Variants in ARL6IP6 observed in about 807,000 individuals in gnomAD.
ARL6IP6 encodes ADP-ribosylation factor-like protein 6-interacting protein 6.
ARL6IP6 carries 22 observed loss-of-function variants against 21.5 expected under a neutral mutation model. The ratio of observed to expected loss-of-function variants is 1.02; its 90% confidence interval spans 0.73 to 1.46. The LOEUF is 1.46. Ranked by LOEUF, ARL6IP6 falls within the 40% of genes most tolerant of loss-of-function variation. The probability of loss-of-function intolerance (pLI) is 0.00; values close to 1 mark genes in which losing one functional copy is unlikely to be tolerated. For missense variants in ARL6IP6, 388 were observed against 299.8 expected, an observed-to-expected ratio of 1.29 and a Z score of -2.17; for synonymous variants, 164 against 125.3, an observed-to-expected ratio of 1.31 and a Z score of -2.06.
At chr2:152,720,018 G>T in intron 1 of ARL6IP6, 2 of 451,018 alleles carry the variant, frequency 4.4e-6, no homozygotes, top group South Asian at 3.3e-5. Flanking sequence ...AACTGAATGT[G>T]CATAAAATGC....
At chr2:152,732,849 G>T (rs940651104) in intron 2 of ARL6IP6, among the ~76,000 whole-genome samples, 2 of 151,054 alleles carry the variant, frequency 1.3e-5, no homozygotes, top group Non-Finnish European at 2.9e-5. Context: ...TTGTTATACT[G>T]TATTGGTTTT....
chr2:152,718,651 G>A lies in ARL6IP6; in HGVS notation c.27G>A (p.Arg9=), dbSNP rs762251373. The change falls in exon 1 of 4, where the codon CGG becomes CGA. Residue 9 remains arginine (R), a synonymous_variant. Transcript: ENST00000326446. MSFAESGW[R]SALRRRGPGT... The stretch of plus-strand genomic sequence containing the variant: ...TGTCGTTTGCTGAGAGCGGGTGGCG[G>A]TCGGCTCTGCGGCGCCGCGGTCCCG... The A allele has an allele frequency of 7.7e-6, 12 of 1,548,812 alleles. No homozygotes were observed. Among genetic ancestry groups the A allele is most frequent in the Non-Finnish European group, 9.6e-6 (11 of 1,146,934 alleles).
intron 1 of ARL6IP6, chr2:152,720,112 A>G (rs992918073): frequency 5.6e-5 from 1 of 18,006 alleles, no homozygotes. Context: ...TGCAATTCTG[A>G]TAGTTTTGTC....
chr2:152,718,103 A>G, upstream of ARL6IP6: 5 of 987,380 alleles, frequency 5.1e-6, no homozygotes, highest in Non-Finnish European at 6.0e-6. Flanking sequence ...GCAGTTAAGG[A>G]ACCGCGAGAG....
chr2:152,722,495 T>C (rs982618114), intron 2 of ARL6IP6, among the ~76,000 whole-genome samples: 4 of 152,214 alleles, frequency 2.6e-5, no homozygotes. Context: ...AGAATAGTTA[T>C]AGCAGATGTA....
intron 1 of ARL6IP6, 180 bp from the exon 2 acceptor site, chr2:152,720,353 G>A (rs1699724001): frequency 3.1e-6 from 2 of 638,978 alleles, no homozygotes; most frequent in South Asian, 1.8e-5. Flanking sequence ...CTCCCTTAGT[G>A]GTCAACACAT....
chr2:152,748,749 A>G (rs1345831104), intron 3 of ARL6IP6, among the ~76,000 whole-genome samples: 2 of 152,258 alleles, frequency 1.3e-5, no homozygotes, highest in Admixed American at 1.3e-4. Context: ...GTTCTGTCAT[A>G]AAAGCATCTC....
chr2:152,749,942 TGAA>T (rs1274217638), intron 3 of ARL6IP6, among the ~76,000 whole-genome samples: 1 of 152,238 alleles, frequency 6.6e-6, no homozygotes, highest in Admixed American at 6.5e-5. Context: ...TATGGTCAAA[TGAA>T]GAGTCACATC....
At chr2:152,726,272 A>G (rs1700046832) in intron 2 of ARL6IP6, among the ~76,000 whole-genome samples, 1 of 152,224 alleles carries the variant, frequency 6.6e-6, no homozygotes. Context: ...CTGTTTCAAC[A>G]GAAAGATGTA....
At chr2:152,721,919 T>C (rs983302325) in intron 2 of ARL6IP6, among the ~76,000 whole-genome samples, 12 of 152,270 alleles carry the variant, frequency 7.9e-5, no homozygotes, top group African/African-American at 2.9e-4. Flanking sequence ...TTACTCATTT[T>C]ATCAGTGTAT....
At chr2:152,736,997 C>A (rs1489964131) in intron 3 of ARL6IP6, among the ~76,000 whole-genome samples, 1 of 152,140 alleles carries the variant, frequency 6.6e-6, no homozygotes, top group African/African-American at 2.4e-5. Context: ...TTTCCATTAA[C>A]AAAAAGAGAT....
At chr2:152,734,804 AGTT>A (rs1350755872) in intron 2 of ARL6IP6, among the ~76,000 whole-genome samples, 187 bp from the exon 3 acceptor site, 1 of 152,174 alleles carries the variant, frequency 6.6e-6, no homozygotes, top group Non-Finnish European at 1.5e-5. Context: ...TATGACTTCT[AGTT>A]GTGCTTTAGT....
intron 3 of ARL6IP6, among the ~76,000 whole-genome samples, chr2:152,747,981 A>G (rs979399303): frequency 6.6e-6 from 1 of 152,160 alleles, no homozygotes; most frequent in African/African-American, 2.4e-5. Flanking sequence ...GATTACTGGC[A>G]TGAGTCACCG....
intron 3 of ARL6IP6, among the ~76,000 whole-genome samples, chr2:152,750,746 G>C (rs191017011): frequency 2.4e-3 from 372 of 152,246 alleles, no homozygotes; most frequent in African/African-American, 8.6e-3. Flanking sequence ...AATATTGTGT[G>C]CTCTGCTCGT....
chr2:152,740,499 T>C (rs1055008474), intron 3 of ARL6IP6, among the ~76,000 whole-genome samples: 1 of 150,322 alleles, frequency 6.7e-6, no homozygotes, highest in Non-Finnish European at 1.5e-5. Context: ...ATAAAATATA[T>C]GTTGTGTATG....
At chr2:152,742,445 T>C (rs1413667318) in intron 3 of ARL6IP6, among the ~76,000 whole-genome samples, 1 of 151,914 alleles carries the variant, frequency 6.6e-6, no homozygotes, top group Non-Finnish European at 1.5e-5. Context: ...GAAATGAGCC[T>C]GTATTCCTAG....
chr2:152,722,298 G>A (rs529281287), intron 2 of ARL6IP6, among the ~76,000 whole-genome samples: 2 of 152,250 alleles, frequency 1.3e-5, no homozygotes, highest in East Asian at 3.9e-4. Flanking sequence ...TGAATTTATT[G>A]TCAAGAGTCA....
intron 3 of ARL6IP6, among the ~76,000 whole-genome samples, chr2:152,743,563 C>T (rs1445527419): frequency 6.6e-6 from 1 of 152,102 alleles, no homozygotes; most frequent in Non-Finnish European, 1.5e-5. Context: ...GTGGCAAGCG[C>T]CCCTAGCATG....
At chr2:152,753,947 C>T (rs1404868781) in intron 3 of ARL6IP6, among the ~76,000 whole-genome samples, 6 of 151,318 alleles carry the variant, frequency 4.0e-5, no homozygotes, top group African/African-American at 1.5e-4. Flanking sequence ...GTGGTCCACC[C>T]GCCTCGGCCT....
Sources: allele counts gnomAD v4.1 joint callset (sites outside exome capture counted in the v4.1 genomes callset), GRCh38; gene constraint gnomAD v4.1.1; transcripts MANE v1.5; gene names NCBI Gene and HGNC (gene_info 2026-07-23, HGNC 2026-07-21).